PSMC2: variants seen among roughly 807,000 people sequenced by gnomAD.
PSMC2 encodes proteasome 26S subunit, ATPase 2, also known as 26S proteasome regulatory subunit 7.
A neutral mutation model predicts 53.3 loss-of-function variants in PSMC2; 7 were observed. That is an observed-to-expected ratio of 0.13 (90% CI 0.07 to 0.25). PSMC2 has a LOEUF of 0.25. Among genes scored for constraint, PSMC2 ranks in the 10% least tolerant of loss-of-function variants. PSMC2 has a pLI of 1.00. For missense variants in PSMC2, 241 were observed against 544.0 expected, an observed-to-expected ratio of 0.44 and a Z score of 5.54; for synonymous variants, 169 against 183.9, an observed-to-expected ratio of 0.92 and a Z score of 0.66.
Position 103,367,663 on chromosome 7 carries a change from T to C in PSMC2, c.1047+48T>C. 6.2e-7 allele frequency: 1 copy of C among 1,609,014 alleles called. No individual in the cohort carries two copies. Among genetic ancestry groups the C allele is most frequent in the Admixed American group, 1.7e-5 (1 of 59,074 alleles). On this transcript the variant is annotated intron_variant, in intron 10 of 11. Transcript: ENST00000292644. The surrounding 1 kb of genome is among the most constrained non-coding windows in gnomAD (Gnocchi z 6.1). ...GGAAAGGGATTTTTGAAGTTTTTTCTTCCTGTGATTTTTTTCCATTTTAAT... is the reference window on the plus strand; with the variant it reads ...GGAAAGGGATTTTTGAAGTTTTTTCCTCCTGTGATTTTTTTCCATTTTAAT...
chr7:103,362,425 TAAC>T, intron 5 of PSMC2: 1 of 1,354,456 alleles, frequency 7.4e-7, no homozygotes, highest in South Asian at 1.7e-5. Flanking sequence ...ATAGAATACA[TAAC>T]AACTCACTTA....
chr7:103,367,728 T>C lies in PSMC2; in HGVS notation c.1063T>C (p.Phe355Leu), dbSNP rs757417747. 6.2e-7 allele frequency: 1 copy of C among 1,613,718 alleles called. No homozygotes were observed. Among genetic ancestry groups the C allele is most frequent in the Non-Finnish European group, 8.5e-7 (1 of 1,179,852 alleles). ...TCATTTTTAGGGTCGGACCCACATA[T>C]TTAAGATTCACGCTCGTTCAATGAG... ...LPDLEGRTHI[F>L]KIHARSMSVE... Residue 355 changes from phenylalanine to leucine, a missense_variant, in exon 11 of 12, where the codon TTT (phenylalanine) becomes CTT (leucine). Physicochemically the swap from Phe to Leu is conservative, Grantham distance 22. This residue lies in a region of PSMC2 where 60 missense variants were observed against 115.8 expected (regional missense o/e 0.52). Transcript: ENST00000292644. This position sits in a 1 kb window ranked among gnomAD's most constrained non-coding sequence, Gnocchi z 6.1.
chr7:103,348,942 G>C (rs1016227876), intron 1 of PSMC2, among the ~76,000 whole-genome samples: 9 of 152,198 alleles, frequency 5.9e-5, no homozygotes, highest in Admixed American at 3.9e-4. Context: ...TTCTGATTTT[G>C]TAAGTGCCAA....
chr7:103,347,822 T>C (rs1455405889), intron 1 of PSMC2, 41 bp downstream of exon 1: 1 of 1,609,500 alleles, frequency 6.2e-7, no homozygotes, highest in Non-Finnish European at 8.5e-7. Context: ...GGGGCGGGAC[T>C]GGAGCGGAGC....
At chr7:103,357,741 C>A (rs921886674) in intron 4 of PSMC2, among the ~76,000 whole-genome samples, 7 of 152,172 alleles carry the variant, frequency 4.6e-5, no homozygotes, top group African/African-American at 1.7e-4. Context: ...TGTACCACTT[C>A]TTTTAGTGGT....
chr7:103,366,439 A>G (rs1415621006), intron 9 of PSMC2, among the ~76,000 whole-genome samples: 1 of 152,210 alleles, frequency 6.6e-6, no homozygotes. Context: ...TGGAATTCAC[A>G]TATTTTGGAT....
At chr7:103,351,549 C>T (rs956714688) in intron 1 of PSMC2, among the ~76,000 whole-genome samples, 2 of 152,154 alleles carry the variant, frequency 1.3e-5, no homozygotes, top group African/African-American at 4.8e-5. Context: ...GATAAGTGTT[C>T]TGCATAAACC....
At chr7:103,359,138 CTTTTTTTTTTTT>C (rs35936603) in intron 4 of PSMC2, among the ~76,000 whole-genome samples, 59 of 31,338 alleles carry the variant, frequency 1.9e-3, no homozygotes, top group East Asian at 0.018. Context: ...CCATGTCTGG[CTTTTTTTTTTTT>C]TTTTTTTTTT....
Position 103,364,245 on chromosome 7 carries a change from C to G in PSMC2, c.694C>G (p.Arg232Gly). ...ACTCTGTGCGCGGGCAGTTGCTAAT[C>G]GGACTGATGCGTGCTTCATTCGAGT... ...KTLCARAVANRTDACFIRVIG... is the reference protein window; with the variant it reads ...KTLCARAVANGTDACFIRVIG... Residue 232 changes from arginine to glycine, a missense_variant, in exon 8 of 12, where the codon CGG (arginine) becomes GGG (glycine). Arg to Gly is a moderately radical substitution (Grantham distance 125). Around this residue, in one of 6 missense-constraint regions of PSMC2, gnomAD observed 26 missense variants for 104.7 expected, o/e 0.25. Coordinates refer to ENST00000292644, the MANE Select transcript of PSMC2 (RefSeq NM_002803.4). 1 of 1,614,186 alleles carries G rather than the reference C, an allele frequency of 6.2e-7. No individual in the cohort carries two copies.
intron 4 of PSMC2, among the ~76,000 whole-genome samples, chr7:103,360,021 C>A (rs1018419116): frequency 6.6e-6 from 1 of 151,208 alleles, no homozygotes; most frequent in Non-Finnish European, 1.5e-5. Flanking sequence ...GCGGAAGTTG[C>A]AGTGAGTCAA....
At chr7:103,352,687 TC>T in intron 1 of PSMC2, 1 of 594,592 alleles carries the variant, frequency 1.7e-6, no homozygotes, top group South Asian at 1.9e-5. Context: ...AGCCACAGCA[TC>T]CGGCTGATTA....
intron 8 of PSMC2, among the ~76,000 whole-genome samples, chr7:103,364,968 T>TATATATATATATATATAC (rs1272475388): frequency 1.0e-4 from 15 of 144,102 alleles, no homozygotes; most frequent in Non-Finnish European, 2.0e-4. Context: ...CATATATATA[T>TATATATATATATATATAC]ATATATATAT....
At chr7:103,349,998 C>A (rs563896898) in intron 1 of PSMC2, among the ~76,000 whole-genome samples, 1 of 152,158 alleles carries the variant, frequency 6.6e-6, no homozygotes, top group Non-Finnish European at 1.5e-5. Flanking sequence ...TTTAATCCTG[C>A]CTTAGAGGAA....
At chr7:103,356,294 T>C (rs1161303734) in intron 4 of PSMC2, among the ~76,000 whole-genome samples, 1 of 152,044 alleles carries the variant, frequency 6.6e-6, no homozygotes, top group East Asian at 1.9e-4. Flanking sequence ...CAATTTCTGT[T>C]ACTATACACA....
At chr7:103,354,789 T>C (rs898254085) in intron 2 of PSMC2, 79 bp from the exon 3 acceptor site, 1 of 928,236 alleles carries the variant, frequency 1.1e-6, no homozygotes, top group African/African-American at 1.7e-5. Context: ...AAATTGTAAC[T>C]TAAAAATAAT....
chr7:103,362,639 T>C, intron 5 of PSMC2, 47 bp from the exon 6 acceptor site: 1 of 1,539,906 alleles, frequency 6.5e-7, no homozygotes, highest in Non-Finnish European at 9.0e-7. Flanking sequence ...AAAAGCACTT[T>C]GAAAGCTTAA....
intron 9 of PSMC2, among the ~76,000 whole-genome samples, 191 bp downstream of exon 9, chr7:103,366,354 T>C (rs1303814324): frequency 6.6e-6 from 1 of 152,202 alleles, no homozygotes; most frequent in Non-Finnish European, 1.5e-5. Flanking sequence ...TTATATACCA[T>C]TGTCATTTTT....
chr7:103,362,506 C>T, intron 5 of PSMC2, 180 bp from the exon 6 acceptor site: 1 of 1,415,366 alleles, frequency 7.1e-7, no homozygotes, highest in South Asian at 1.5e-5. Context: ...TTGTTTGCGA[C>T]ATTAGACATG....
At position 103,363,246 on chromosome 7, in the gene PSMC2, T is replaced by C; in HGVS notation, c.496-98T>C. On this transcript the variant is annotated intron_variant, in intron 6 of 11. Transcript: ENST00000292644. ...CAATTTTTATTAAAATTCTCACTTG[T>C]GAGTTTTTCTTTTAAGGTATTAGGT... 5 of 911,304 alleles carry C rather than the reference T, an allele frequency of 5.5e-6. No individual in the cohort carries two copies. The South Asian group carries it at 8.1e-5, about 15-fold the overall frequency. 56.5% of individuals were successfully genotyped at this position (911,304 alleles called of 1,614,324 possible).
Sources: allele counts gnomAD v4.1 joint callset (sites outside exome capture counted in the v4.1 genomes callset), GRCh38; gene constraint gnomAD v4.1.1; regional missense constraint gnomAD v4.1.1; non-coding constraint Gnocchi (gnomAD v3.1); transcripts MANE v1.5; gene names NCBI Gene and HGNC (gene_info 2026-07-23, HGNC 2026-07-21).